The following SCN9A variants were observed in gnomAD, a reference collection of about 807,000 sequenced individuals.
The protein encoded by SCN9A is sodium channel protein type 9 subunit alpha.
A neutral mutation model predicts 187.0 loss-of-function variants in SCN9A; 131 were observed. The observed-to-expected ratio is 0.70, with a 90% CI of 0.61 to 0.81. SCN9A has a LOEUF of 0.81. Ranked by LOEUF, SCN9A falls within the 30% of genes least tolerant of loss-of-function variation. The pLI is 0.00. For missense variants in SCN9A, 2,252 were observed against 2,396.6 expected (o/e 0.94, Z 1.26); for synonymous variants, 809 against 808.6 (o/e 1.00, Z -0.01).
At chr2:166,356,964 G>A (rs13034090) in intron 1 of SCN9A, among the ~76,000 whole-genome samples, 24,823 of 151,626 alleles carry the variant, frequency 0.16, 2,199 homozygotes, top group African/African-American at 0.22. Context: ...GGCTCTTTTT[G>A]TAACTTTTAT....
intron 17 of SCN9A, among the ~76,000 whole-genome samples, chr2:166,270,768 T>C (rs1696944798): frequency 7.9e-6 from 1 of 126,960 alleles, no homozygotes; most frequent in South Asian, 2.7e-4. Flanking sequence ...TACTGATATA[T>C]ATATATATAT....
chr2:166,251,110 G>T (rs550908208), intron 18 of SCN9A, among the ~76,000 whole-genome samples: 1 of 152,170 alleles, frequency 6.6e-6, no homozygotes, highest in East Asian at 1.9e-4. Flanking sequence ...TGAGGTTAGA[G>T]GTAAAGACAT....
chr2:166,220,677 CAA>C (rs1163849634), intron 24 of SCN9A, among the ~76,000 whole-genome samples: 1 of 152,116 alleles, frequency 6.6e-6, no homozygotes, highest in African/African-American at 2.4e-5. Flanking sequence ...TTCATGATAA[CAA>C]AGACTACTTG....
chr2:166,350,126 A>G (rs1700000625), intron 1 of SCN9A, among the ~76,000 whole-genome samples: 1 of 152,224 alleles, frequency 6.6e-6, no homozygotes, highest in Non-Finnish European at 1.5e-5. Context: ...CACCAAAAAC[A>G]TTTACAAAAT....
In SCN9A at chr2:166,301,978, C is replaced by T. The variant is rs1353744774; in HGVS notation, c.901+1112G>A. 2 of 150,556 alleles carry T rather than the reference C, an allele frequency of 1.3e-5. 1 individual carries two copies. Among genetic ancestry groups the T allele is most frequent in the African/African-American group, 5.0e-5 (2 of 40,078 alleles). 9.3% of individuals were successfully genotyped at this position (150,556 alleles called of 1,614,324 possible). ...TGTCATTTTATTTATAGTCTTTTAC[C>T]ATGTGGGCTAGGTGTTATTTGATTT... is the stretch of plus-strand genomic sequence containing the variant. On this transcript the variant is annotated intron_variant, in intron 7 of 26. Transcript: ENST00000642356.
intron 24 of SCN9A, among the ~76,000 whole-genome samples, chr2:166,205,788 A>G (rs991785352): frequency 3.9e-5 from 6 of 152,222 alleles, no homozygotes; most frequent in African/African-American, 1.4e-4. Context: ...AATATCCAGA[A>G]TCTACAAAGA....
At chr2:166,375,579 C>T (rs1167159747) in intron 1 of SCN9A, 118 bp downstream of exon 1, 3 of 152,308 alleles carry the variant, frequency 2.0e-5, no homozygotes, top group Admixed American at 6.5e-5. Flanking sequence ...ATACAGGGTT[C>T]CAGAACCGAG....
chr2:166,315,711 G>A (rs997409507), intron 1 of SCN9A, among the ~76,000 whole-genome samples: 1 of 152,132 alleles, frequency 6.6e-6, no homozygotes, highest in Non-Finnish European at 1.5e-5. Flanking sequence ...CCAGTGGGGT[G>A]GCAAGATGAT....
intron 1 of SCN9A, among the ~76,000 whole-genome samples, chr2:166,338,530 A>T (rs1177031448): frequency 6.6e-6 from 1 of 152,078 alleles, no homozygotes; most frequent in Non-Finnish European, 1.5e-5. Context: ...AGGAGCAAAA[A>T]TAGTACTAAA....
chr2:166,279,899 A>G lies in SCN9A; in HGVS notation c.2343+458T>C, dbSNP rs77047999. ...ATTTGTCCAAGGGCATATCACTCAT[A>G]TAATGCAGAATCAGCATTCAAACCC... On this transcript the variant is annotated intron_variant, in intron 14 of 26. Transcript: ENST00000642356. Among the ~76,000 whole-genome samples the G allele has an allele frequency of 5.8e-4, 89 of 152,290 alleles. 1 individual carries two copies. The East Asian group carries it at 0.017, about 29-fold the overall frequency.
intron 1 of SCN9A, among the ~76,000 whole-genome samples, chr2:166,312,200 A>G (rs948334510): frequency 1.3e-5 from 2 of 152,144 alleles, no homozygotes; most frequent in African/African-American, 2.4e-5. Context: ...TGTTTTACCA[A>G]CTAAACTTAT....
intron 1 of SCN9A, among the ~76,000 whole-genome samples, chr2:166,334,702 T>G (rs2105269694): frequency 6.6e-6 from 1 of 152,274 alleles, no homozygotes; most frequent in East Asian, 1.9e-4. Flanking sequence ...GCTGTGGTAA[T>G]CTCTGTAACA....
At chr2:166,320,810 A>T (rs1699218775) in intron 1 of SCN9A, among the ~76,000 whole-genome samples, 1 of 152,188 alleles carries the variant, frequency 6.6e-6, no homozygotes, top group Non-Finnish European at 1.5e-5. Context: ...TTAAAAATGC[A>T]GCTAAGTATC....
chr2:166,281,854 A>G (rs771561853), intron 12 of SCN9A, 46 bp from the exon 13 acceptor site: 187 of 1,546,010 alleles, frequency 1.2e-4, no homozygotes, highest in Non-Finnish European at 1.6e-4. Flanking sequence ...ATCCTAATAA[A>G]TTGTAGGTAT....
chr2:166,261,305 CTTG>C (rs1301300023), intron 17 of SCN9A, among the ~76,000 whole-genome samples: 4 of 151,828 alleles, frequency 2.6e-5, no homozygotes, highest in African/African-American at 4.8e-5. Context: ...GCCAGGCTAC[CTTG>C]TTGTTAGGGG....
chr2:166,228,813 T>C lies in SCN9A; in HGVS notation c.4084A>G (p.Ser1362Gly), dbSNP rs762322325. 3 of 1,613,934 alleles carry C rather than the reference T, an allele frequency of 1.9e-6. No individual in the cohort carries two copies. Among genetic ancestry groups the C allele is most frequent in the Non-Finnish European group, 2.5e-6 (3 of 1,179,872 alleles). The change falls in exon 22 of 27, where the codon AGT (serine) becomes GGT (glycine). Residue 1362 changes from serine to glycine, a missense_variant. Ser to Gly is a moderately conservative substitution (Grantham distance 56). Transcript: ENST00000642356. ...CATTCGGAACGATTTGGAACTTGACTTGCAGGAAACCGTGACCCATCTGTG... is the reference window on the plus strand; with the variant it reads ...CATTCGGAACGATTTGGAACTTGACCTGCAGGAAACCGTGACCCATCTGTG... ...NTTDGSRFPASQVPNRSECFA... is the reference protein window; with the variant it reads ...NTTDGSRFPAGQVPNRSECFA...
Position 166,364,858 on chromosome 2 carries a change from T to G in SCN9A, c.-51+10839A>C, listed in dbSNP as rs6756635. ...TATATATTTTACCAAAATATAAATT[T>G]TTAAATTCACTAGCGTGTTTTGAGA... is the stretch of plus-strand genomic sequence containing the variant. On this transcript the variant is annotated intron_variant, in intron 1 of 26. Transcript: ENST00000642356. Among the ~76,000 whole-genome samples the G allele has an allele frequency of 5.5e-3, 833 of 152,282 alleles. 12 individuals are homozygous for G. The East Asian group carries it at 0.083, about 15-fold the overall frequency.
At chr2:166,237,191 T>C (rs1222710491) in intron 20 of SCN9A, among the ~76,000 whole-genome samples, 3 of 151,216 alleles carry the variant, frequency 2.0e-5, no homozygotes, top group Non-Finnish European at 4.4e-5. Context: ...TATTAAGTTA[T>C]ATTATTAAAA....
rs546019782 is a variant in SCN9A at position 166,251,827 on chromosome 2, T to C, written c.3410A>G (p.Glu1137Gly). ...AGGTTCAGCCTCTGCTTCTTCTCCT[T>C]CTCCAGGCAAAGGGTTATCAACTGT... ...CSTVDNPLPG[E>G]GEEAEAEPMN... is the part of the protein sequence containing the mutation. The change falls in exon 18 of 27, where the codon GAA becomes GGA. Residue 1137 changes from glutamate to glycine, a missense_variant. Around this residue, in one of 7 missense-constraint regions of SCN9A, gnomAD observed 313 missense variants for 295.3 expected, o/e 1.06. Transcript: ENST00000642356. The C allele has an allele frequency of 6.2e-7, 1 of 1,612,632 alleles. No individual in the cohort carries two copies. Among genetic ancestry groups the C allele is most frequent in the South Asian group, 1.1e-5 (1 of 91,032 alleles).
Sources: gnomAD v4.1 joint callset for allele counts (sites outside exome capture counted in the v4.1 genomes callset) on GRCh38, gnomAD v4.1.1 for gene constraint, gnomAD v4.1.1 regional missense constraint, MANE v1.5 for transcripts, NCBI Gene and HGNC (gene_info 2026-07-23, HGNC 2026-07-21) for gene names.